SNX29: variants seen among roughly 807,000 people sequenced by gnomAD.
The protein encoded by SNX29 is sorting nexin-29.
SNX29 carries 78 observed loss-of-function variants against 102.1 expected under a neutral mutation model. The ratio of observed to expected loss-of-function variants is 0.76; its 90% CI spans 0.64 to 0.92. SNX29 has a LOEUF of 0.92. Among genes scored for constraint, SNX29 ranks in the 40% least tolerant of loss-of-function variants. The probability of loss-of-function intolerance (pLI) is 0.00; values close to 1 mark genes in which losing one functional copy is unlikely to be tolerated. For missense variants in SNX29, 1,280 were observed against 1,061.7 expected (o/e 1.21, Z -2.86); for synonymous variants, 580 against 414.5 (o/e 1.40, Z -4.85).
chr16:12,298,468 A>G (rs531419088), intron 15 of SNX29, among the ~76,000 whole-genome samples: 2 of 152,324 alleles, frequency 1.3e-5, no homozygotes, highest in South Asian at 4.1e-4. Flanking sequence ...TATGATCATG[A>G]GAAAGTTATT....
Position 12,199,575 on chromosome 16 carries a change from T to TA in SNX29, c.1596-26_1596-25insA, listed in dbSNP as rs564787407. 141 of 1,571,502 alleles carry TA rather than the reference T, an allele frequency of 9.0e-5. No individual in the cohort carries two copies. In the African/African-American group the frequency reaches 1.9e-3, roughly 21 times the overall value. ...CACATTGTCACTTTTTAAATATATA[T>TA]TTTTTTAACATTCTTGTACCTGCAG... On this transcript the variant is annotated intron_variant, in intron 13 of 20. Transcript: ENST00000566228.
At chr16:12,342,703 A>G (rs759658359) in intron 15 of SNX29, among the ~76,000 whole-genome samples, 4 of 152,202 alleles carry the variant, frequency 2.6e-5, no homozygotes, top group Admixed American at 6.5e-5. Context: ...AGATGCAGAA[A>G]CTGAGGTCCA....
intron 12 of SNX29, 105 bp downstream of exon 12, chr16:12,126,801 A>G: frequency 4.1e-6 from 5 of 1,216,734 alleles, no homozygotes; most frequent in South Asian, 2.7e-5. Flanking sequence ...CTTGGCAAAA[A>G]TTGTGACTGG....
chr16:12,536,699 T>C (rs114185095), intron 20 of SNX29, among the ~76,000 whole-genome samples: 6,955 of 152,242 alleles, frequency 0.046, 208 homozygotes, highest in East Asian at 0.075. Context: ...TTCAGGGGGC[T>C]GGACGTGGTG....
chr16:12,507,994 C>T lies in SNX29; in HGVS notation c.2179-16708C>T, dbSNP rs536365271. Among the ~76,000 whole-genome samples, 29 of 152,342 alleles carry T rather than the reference C, an allele frequency of 1.9e-4. No homozygotes were observed. In the South Asian group the frequency reaches 4.1e-3, roughly 22 times the overall value. On this transcript the variant is annotated intron_variant, in intron 19 of 20. Transcript: ENST00000566228. The stretch of plus-strand genomic sequence containing the variant: ...CAGCAGAGTAGCTGGGCCTGGAAGC[C>T]GTGTGGACCTGGGTTCAAATCCCAG...
At chr16:11,994,286 C>T (rs1377868604) in intron 1 of SNX29, among the ~76,000 whole-genome samples, 1 of 152,176 alleles carries the variant, frequency 6.6e-6, no homozygotes, top group Non-Finnish European at 1.5e-5. Context: ...TTTCCATTTT[C>T]TGTTTTCATT....
chr16:12,095,933 C>T (rs1389946800), intron 11 of SNX29, among the ~76,000 whole-genome samples: 2 of 152,226 alleles, frequency 1.3e-5, no homozygotes, highest in Non-Finnish European at 2.9e-5. Context: ...GGCGTTCTGG[C>T]TCATCGCCTA....
intron 11 of SNX29, among the ~76,000 whole-genome samples, chr16:12,115,485 TTGTGTGTGTGTGTG>T (rs3222983): frequency 4.2e-4 from 59 of 141,964 alleles, no homozygotes; most frequent in Non-Finnish European, 6.9e-4. Context: ...CCACCTTGAT[TTGTGTGTGTGTGTG>T]TGTGTGTGTG....
At chr16:12,449,939 C>T (rs1357973380) in intron 18 of SNX29, among the ~76,000 whole-genome samples, 1 of 152,204 alleles carries the variant, frequency 6.6e-6, no homozygotes, top group Admixed American at 6.5e-5. Context: ...CCATAATTCC[C>T]CACGTGTTGT....
intron 19 of SNX29, among the ~76,000 whole-genome samples, chr16:12,520,299 A>C (rs1028182140): frequency 2.0e-5 from 3 of 152,208 alleles, no homozygotes; most frequent in African/African-American, 7.2e-5. Context: ...CTGGAAGTAG[A>C]ATCTCAAAGA....
At chr16:12,302,661 A>G (rs72786345) in intron 15 of SNX29, among the ~76,000 whole-genome samples, 1 of 152,182 alleles carries the variant, frequency 6.6e-6, no homozygotes, top group Admixed American at 6.5e-5. Context: ...CTTCTAATAC[A>G]TTACCTTGGG....
chr16:12,375,637 C>G (rs532490604), intron 16 of SNX29: 1 of 152,250 alleles, frequency 6.6e-6, no homozygotes, highest in Non-Finnish European at 1.5e-5. Flanking sequence ...GGAGGCCACC[C>G]TCGGTTTCTT....
In SNX29 at chr16:12,176,236, T is replaced by C. The variant is rs190620837; in HGVS notation, c.1596-23365T>C. Among the ~76,000 whole-genome samples, 12 of 152,360 alleles carry C rather than the reference T, an allele frequency of 7.9e-5. No homozygotes were observed. In the East Asian group the frequency reaches 2.1e-3, roughly 27 times the overall value. On this transcript the variant is annotated intron_variant, in intron 13 of 20. Coordinates refer to ENST00000566228, the MANE Select transcript of SNX29 (RefSeq NM_032167.5). ...CTGCCCAGTCTCTGGTATTTTGTTA[T>C]GGCAGCCCTGGCAGACTGATAGACA...
chr16:11,990,806 C>T (rs536194230), intron 1 of SNX29, among the ~76,000 whole-genome samples: 3 of 152,192 alleles, frequency 2.0e-5, no homozygotes, highest in Non-Finnish European at 2.9e-5. Flanking sequence ...GGAACTCTCA[C>T]GTTTAACCAT....
intron 18 of SNX29, among the ~76,000 whole-genome samples, chr16:12,414,807 C>T (rs1478764514): frequency 1.3e-5 from 2 of 152,186 alleles, no homozygotes; most frequent in Admixed American, 6.5e-5. Flanking sequence ...TAGCAACCTT[C>T]GCCTCCGGGG....
At chr16:12,481,962 C>G (rs2087956607) in intron 19 of SNX29, among the ~76,000 whole-genome samples, 1 of 152,196 alleles carries the variant, frequency 6.6e-6, no homozygotes. Context: ...CTTCCCATTT[C>G]CAAAGGAGGA....
intron 15 of SNX29, among the ~76,000 whole-genome samples, chr16:12,330,443 A>C (rs2081261493): frequency 6.6e-6 from 1 of 152,178 alleles, no homozygotes; most frequent in South Asian, 2.1e-4. Flanking sequence ...CTCCAGCCTG[A>C]AATGGGCTTG....
chr16:12,322,175 C>T (rs2080960028), intron 15 of SNX29, among the ~76,000 whole-genome samples: 1 of 152,178 alleles, frequency 6.6e-6, no homozygotes, highest in Admixed American at 6.5e-5. Flanking sequence ...AAGCAGGGGA[C>T]CTAGGGTAGA....
chr16:12,149,928 G>A (rs1213859744), intron 13 of SNX29, among the ~76,000 whole-genome samples: 1 of 152,118 alleles, frequency 6.6e-6, no homozygotes, highest in East Asian at 1.9e-4. Context: ...AAGGGGGAGA[G>A]GCATGAAGGA....
Sources: allele counts gnomAD v4.1 joint callset (sites outside exome capture counted in the v4.1 genomes callset), GRCh38; gene constraint gnomAD v4.1.1; transcripts MANE v1.5; gene names NCBI Gene and HGNC (gene_info 2026-07-23, HGNC 2026-07-21).